The following SKIC3 variants were observed in gnomAD, a reference collection of about 807,000 sequenced individuals.
SKIC3 encodes SKI3 subunit of superkiller complex.
chr5:95,510,857 C>G, the SKIC3 span, among the ~76,000 whole-genome samples: 1 of 152,110 alleles, frequency 6.6e-6, no homozygotes, highest in Non-Finnish European at 1.5e-5. Flanking sequence ...AGGCAGCGGG[C>G]AAAGTGAACC....
chr5:95,488,210 T>C, the SKIC3 span, among the ~76,000 whole-genome samples: 1 of 152,106 alleles, frequency 6.6e-6, no homozygotes, highest in African/African-American at 2.4e-5. Flanking sequence ...AAATTTTCAG[T>C]GTCCTAGAAG....
chr5:95,479,273 C>T, the SKIC3 span, among the ~76,000 whole-genome samples: 672 of 152,172 alleles, frequency 4.4e-3, 3 homozygotes, highest in African/African-American at 0.016. Context: ...TATAAAAGAC[C>T]TCTAGGTTGA....
At chr5:95,516,603 C>G in the SKIC3 span, 2 of 1,613,046 alleles carry the variant, frequency 1.2e-6, no homozygotes, top group Non-Finnish European at 1.7e-6. Flanking sequence ...AATACAAAAC[C>G]TGATGAAACT....
chr5:95,492,237 A>C, the SKIC3 span, among the ~76,000 whole-genome samples: 1 of 152,214 alleles, frequency 6.6e-6, no homozygotes, highest in African/African-American at 2.4e-5. Flanking sequence ...AAATCTGATT[A>C]CTATATAAAG....
At chr5:95,537,390 C>T in the SKIC3 span, among the ~76,000 whole-genome samples, 206 of 152,290 alleles carry the variant, frequency 1.4e-3, 1 homozygote, top group Non-Finnish European at 5.4e-4. Flanking sequence ...TTTAACAAAA[C>T]GCACTTCCAA....
chr5:95,537,189 A>T, the SKIC3 span: 1 of 1,467,986 alleles, frequency 6.8e-7, no homozygotes, highest in Non-Finnish European at 9.5e-7. Context: ...TAAATGACAA[A>T]TGATTAAATG....
At chr5:95,505,956 TA>T in the SKIC3 span, among the ~76,000 whole-genome samples, 3 of 152,066 alleles carry the variant, frequency 2.0e-5, no homozygotes, top group Non-Finnish European at 4.4e-5. Context: ...AAAGTAAACT[TA>T]AAAAAAATCT....
At chr5:95,523,331 T>C in the SKIC3 span, 1 of 1,611,322 alleles carries the variant, frequency 6.2e-7, no homozygotes, top group Non-Finnish European at 8.5e-7. Context: ...CATTTCCTAA[T>C]AATAAGAAAA....
chr5:95,483,305 C>T, the SKIC3 span, among the ~76,000 whole-genome samples: 415 of 151,962 alleles, frequency 2.7e-3, 1 homozygote, highest in Non-Finnish European at 2.2e-3. Flanking sequence ...ATTGCTTGTC[C>T]CTCAATAGCA....
the SKIC3 span, chr5:95,469,963 A>G: frequency 6.9e-6 from 11 of 1,597,522 alleles, no homozygotes; most frequent in African/African-American, 1.4e-5. Flanking sequence ...ATTTATTTGA[A>G]AAGTATTCAA....
At chr5:95,511,227 C>G in the SKIC3 span, among the ~76,000 whole-genome samples, 34,469 of 151,968 alleles carry the variant, frequency 0.23, 4,990 homozygotes, top group African/African-American at 0.41. Context: ...TGGCTAATAC[C>G]GTGAAACCCC....
At chr5:95,515,028 T>G in the SKIC3 span, 1 of 1,097,114 alleles carries the variant, frequency 9.1e-7, no homozygotes, top group Non-Finnish European at 1.3e-6. Context: ...ATCATAAATA[T>G]GTATGAACAT....
chr5:95,517,723 C>T, the SKIC3 span, among the ~76,000 whole-genome samples: 1 of 152,070 alleles, frequency 6.6e-6, no homozygotes. Flanking sequence ...GTTGTAAACT[C>T]AGGTTTTTGC....
the SKIC3 span, chr5:95,524,415 A>G: frequency 4.4e-6 from 7 of 1,608,100 alleles, no homozygotes; most frequent in Non-Finnish European, 5.9e-6. Flanking sequence ...ATTATTTATG[A>G]TTTTATAATG....
At chr5:95,501,498 T>C in the SKIC3 span, among the ~76,000 whole-genome samples, 25 of 152,184 alleles carry the variant, frequency 1.6e-4, 1 homozygote, top group South Asian at 2.1e-4. Flanking sequence ...AACTTTTTCA[T>C]AGAATGAAAA....
chr5:95,513,377 ATTTTT>A, the SKIC3 span: 19 of 481,134 alleles, frequency 3.9e-5, no homozygotes, highest in African/African-American at 4.1e-4. Flanking sequence ...CTAATTTTTA[ATTTTT>A]TTTTTTAAGA....
chr5:95,485,773 C>G, the SKIC3 span, among the ~76,000 whole-genome samples: 19 of 152,210 alleles, frequency 1.2e-4, 1 homozygote, highest in African/African-American at 3.6e-4. Context: ...GCATTCGGTG[C>G]TCGCCTCGTC....
chr5:95,533,118 A>C, the SKIC3 span, among the ~76,000 whole-genome samples: 1 of 152,120 alleles, frequency 6.6e-6, no homozygotes, highest in East Asian at 1.9e-4. Context: ...TTCAGTAACA[A>C]AGCAAAATAA....
At chr5:95,468,379 A>G in the SKIC3 span, among the ~76,000 whole-genome samples, 1 of 152,216 alleles carries the variant, frequency 6.6e-6, no homozygotes, top group African/African-American at 2.4e-5. Flanking sequence ...CAGAAACTAA[A>G]TAAGTCACTA....
Sources: allele counts gnomAD v4.1 joint callset (sites outside exome capture counted in the v4.1 genomes callset), GRCh38; gene constraint gnomAD v4.1.1; transcripts MANE v1.5; gene names NCBI Gene and HGNC (gene_info 2026-07-23, HGNC 2026-07-21).